The following PRKG1 variants were observed in gnomAD, a reference collection of about 807,000 sequenced individuals.
The protein encoded by PRKG1 is protein kinase cGMP-dependent 1.
A neutral mutation model predicts 88.1 loss-of-function variants in PRKG1; 35 were observed. The observed-to-expected ratio is 0.40, with a 90% CI of 0.30 to 0.53. The LOEUF (loss-of-function observed/expected upper bound fraction) is 0.53, where lower values mean the gene tolerates loss of function less well. Ranked by LOEUF, PRKG1 falls within the 20% of genes least tolerant of loss-of-function variation. The pLI is 0.59. For missense variants in PRKG1, 540 were observed against 839.8 expected, an observed-to-expected ratio of 0.64 and a Z score of 4.41; for synonymous variants, 303 against 292.5, an observed-to-expected ratio of 1.04 and a Z score of -0.37.
chr10:51,559,769 T>C (rs1837409092), intron 3 of PRKG1, among the ~76,000 whole-genome samples: 1 of 152,116 alleles, frequency 6.6e-6, no homozygotes, highest in Non-Finnish European at 1.5e-5. Context: ...GTTACAAGCC[T>C]TATGTGATTG....
chr10:52,290,175 G>A, intron 16 of PRKG1, 49 bp from the exon 17 acceptor site: 3 of 1,542,430 alleles, frequency 1.9e-6, no homozygotes, highest in Non-Finnish European at 2.7e-6. Context: ...GCAATGAGAA[G>A]CTTTTAGCTG....
chr10:52,286,531 T>G (rs1204624440), intron 14 of PRKG1, among the ~76,000 whole-genome samples: 1 of 152,026 alleles, frequency 6.6e-6, no homozygotes, highest in East Asian at 1.9e-4. Flanking sequence ...ATAATTTAAA[T>G]TTGGGTAATT....
chr10:51,451,430 A>G (rs539924764), intron 2 of PRKG1, among the ~76,000 whole-genome samples: 56 of 152,030 alleles, frequency 3.7e-4, no homozygotes, highest in African/African-American at 1.3e-3. Flanking sequence ...CCTGAGTTCT[A>G]TTAGGGTAAG....
chr10:51,556,006 G>A (rs1333440974), intron 3 of PRKG1, among the ~76,000 whole-genome samples: 6 of 151,944 alleles, frequency 3.9e-5, no homozygotes, highest in African/African-American at 9.7e-5. Context: ...AAAGAAAGGC[G>A]AGAAAGAGGA....
intron 1 of PRKG1, among the ~76,000 whole-genome samples, chr10:51,011,428 TA>T (rs1375968529): frequency 2.6e-5 from 4 of 151,772 alleles, no homozygotes; most frequent in Non-Finnish European, 4.4e-5. Context: ...CCAAACAAAA[TA>T]AAAAAAATGT....
At chr10:51,234,645 C>T (rs569937547) in intron 2 of PRKG1, among the ~76,000 whole-genome samples, 1 of 151,906 alleles carries the variant, frequency 6.6e-6, no homozygotes, top group South Asian at 2.1e-4. Flanking sequence ...CTTTCAGCAA[C>T]AAGAAAGTAA....
intron 2 of PRKG1, among the ~76,000 whole-genome samples, chr10:51,450,244 AT>A (rs547902467): frequency 1.3e-5 from 2 of 151,864 alleles, no homozygotes; most frequent in African/African-American, 4.8e-5. Flanking sequence ...AAGAAACAAA[AT>A]TTTTTTTAAA....
At chr10:52,228,137 G>A (rs1035211054) in intron 9 of PRKG1, among the ~76,000 whole-genome samples, 1 of 152,066 alleles carries the variant, frequency 6.6e-6, no homozygotes, top group Non-Finnish European at 1.5e-5. Context: ...TCAGAACACT[G>A]GTGATGTTTT....
intron 2 of PRKG1, among the ~76,000 whole-genome samples, chr10:51,397,638 G>A (rs2132660672): frequency 6.6e-6 from 1 of 152,266 alleles, no homozygotes; most frequent in South Asian, 2.1e-4. Flanking sequence ...TAAAAACAAG[G>A]AACATCTCAG....
intron 1 of PRKG1, among the ~76,000 whole-genome samples, chr10:51,149,147 G>C (rs1403846905): frequency 1.3e-5 from 2 of 152,088 alleles, no homozygotes; most frequent in African/African-American, 2.4e-5. Context: ...CGTCATCACT[G>C]CAATAGAGAA....
At chr10:51,251,264 G>A (rs1839421112) in intron 2 of PRKG1, among the ~76,000 whole-genome samples, 2 of 151,712 alleles carry the variant, frequency 1.3e-5, no homozygotes, top group Non-Finnish European at 3.0e-5. Context: ...TGCAAGTTGC[G>A]TCTTTAGTCT....
chr10:52,184,613 A>T (rs1440339970), intron 9 of PRKG1: 1 of 152,168 alleles, frequency 6.6e-6, no homozygotes. Context: ...GACCATTTTT[A>T]TGTTACTATC....
At chr10:52,201,485 T>C (rs987261946) in intron 9 of PRKG1, among the ~76,000 whole-genome samples, 3 of 152,158 alleles carry the variant, frequency 2.0e-5, no homozygotes, top group Admixed American at 6.6e-5. Context: ...TCAAGTACTG[T>C]AATGCTTCTA....
chr10:51,679,724 G>GTTTT (rs767932532), intron 3 of PRKG1, among the ~76,000 whole-genome samples: 1 of 117,304 alleles, frequency 8.5e-6, no homozygotes, highest in Non-Finnish European at 1.7e-5. Flanking sequence ...TTTTTTTAAT[G>GTTTT]TTTTTTTTTT....
chr10:51,457,859 T>G lies in PRKG1; in HGVS notation c.479-9864T>G, dbSNP rs371180517. On this transcript the variant is annotated intron_variant, in intron 2 of 17. Transcript: ENST00000373980. ...CCTTATTCTTGAGTCCTCCTTATTT[T>G]GTCCTCAATGGTGCTGGAGGACAAA... 2.0e-5 allele frequency among the ~76,000 whole-genome samples: 3 copies of G among 152,190 alleles called. No homozygotes were observed. The South Asian group carries it at 6.2e-4, about 31-fold the overall frequency.
chr10:51,404,448 G>A (rs10997405), intron 2 of PRKG1, among the ~76,000 whole-genome samples: 18,383 of 152,204 alleles, frequency 0.12, 1,355 homozygotes, highest in Admixed American at 0.23. Context: ...GCTGGACTGA[G>A]CCAATTTGTC....
chr10:52,200,305 G>A (rs1312739125), intron 9 of PRKG1, among the ~76,000 whole-genome samples: 1 of 152,066 alleles, frequency 6.6e-6, no homozygotes, highest in African/African-American at 2.4e-5. Flanking sequence ...ATGATAACAG[G>A]CAGTATTTGG....
At chr10:52,176,392 G>A (rs987013224) in intron 9 of PRKG1, among the ~76,000 whole-genome samples, 2 of 151,818 alleles carry the variant, frequency 1.3e-5, no homozygotes, top group African/African-American at 4.8e-5. Flanking sequence ...TATTATGCCA[G>A]TTTCATGCTG....
At chr10:51,443,098 T>G (rs752787489) in intron 2 of PRKG1, among the ~76,000 whole-genome samples, 1 of 144,126 alleles carries the variant, frequency 6.9e-6, no homozygotes, top group African/African-American at 2.9e-5. Context: ...GCATGAGATA[T>G]ATTGTTATGG....
Sources: allele counts gnomAD v4.1 joint callset (sites outside exome capture counted in the v4.1 genomes callset), GRCh38; gene constraint gnomAD v4.1.1; transcripts MANE v1.5; gene names NCBI Gene and HGNC (gene_info 2026-07-23, HGNC 2026-07-21).